WDR7: variants seen among roughly 807,000 people sequenced by gnomAD.
WDR7 encodes WD repeat-containing protein 7.
In WDR7, 46 loss-of-function variants were observed where a neutral mutation model predicts 169.4. That is an observed-to-expected ratio of 0.27 (90% confidence interval 0.21 to 0.35). The LOEUF (loss-of-function observed/expected upper bound fraction) is 0.35, where lower values mean the gene tolerates loss of function less well. WDR7 is among the 10% of genes least tolerant of loss of function. The probability of loss-of-function intolerance (pLI) is 1.00; values close to 1 mark genes in which losing one functional copy is unlikely to be tolerated. For missense variants in WDR7, 1,534 were observed against 1,859.3 expected (o/e 0.83, Z 3.22); for synonymous variants, 612 against 666.8 (o/e 0.92, Z 1.27).
chr18:56,900,135 A>C (rs2046383870), intron 21 of WDR7, among the ~76,000 whole-genome samples: 1 of 149,288 alleles, frequency 6.7e-6, no homozygotes, highest in Non-Finnish European at 1.5e-5. Context: ...ATTTTGATTT[A>C]GGCATTTTAG....
intron 19 of WDR7, among the ~76,000 whole-genome samples, chr18:56,811,043 A>T (rs2044860115): frequency 6.6e-6 from 1 of 152,202 alleles, no homozygotes. Flanking sequence ...ATCATAAGGC[A>T]TGTAATGTTT....
chr18:56,781,624 A>G lies in WDR7; in HGVS notation c.3158A>G (p.Tyr1053Cys), dbSNP rs368082844. ...RKEAIDAWAP[Y>C]LPQYIDHVIS... Reference sequence around the variant, plus strand: ...GAAGCCATTGATGCCTGGGCTCCTTACTTACCTCAGTACATAGACCACGTC... The same window carrying G: ...GAAGCCATTGATGCCTGGGCTCCTTGCTTACCTCAGTACATAGACCACGTC... Residue 1053 changes from tyrosine to cysteine, a missense_variant, in exon 19 of 28, where the codon TAC becomes TGC. Transcript: ENST00000254442. 1.2e-5 allele frequency: 19 copies of G among 1,612,394 alleles called. No homozygotes were observed. The highest frequency in any genetic ancestry group is 1.6e-5 in the Non-Finnish European group (19 of 1,179,242).
At chr18:56,690,645 T>A (rs1338449085) in intron 7 of WDR7, among the ~76,000 whole-genome samples, 3 of 151,822 alleles carry the variant, frequency 2.0e-5, no homozygotes. Context: ...TGAGACCCTG[T>A]CTCTACAAGA....
chr18:56,885,691 G>A (rs373267833), intron 21 of WDR7, among the ~76,000 whole-genome samples: 9 of 151,938 alleles, frequency 5.9e-5, no homozygotes, highest in African/African-American at 2.2e-4. Context: ...GCCAGGCATG[G>A]TGACGGGCAC....
intron 15 of WDR7, 96 bp from the exon 16 acceptor site, chr18:56,758,769 G>A: frequency 1.2e-6 from 1 of 864,464 alleles, no homozygotes; most frequent in Non-Finnish European, 1.7e-6. Context: ...TGTTTCTTTT[G>A]TGATTCGTTT....
intron 1 of WDR7, among the ~76,000 whole-genome samples, chr18:56,652,564 A>C (rs1038898399): frequency 2.6e-5 from 4 of 152,224 alleles, no homozygotes; most frequent in African/African-American, 9.6e-5. Flanking sequence ...ATGTGTTGAA[A>C]TGCCCTCATT....
chr18:56,710,205 G>C (rs964911058), intron 12 of WDR7, among the ~76,000 whole-genome samples: 3 of 151,658 alleles, frequency 2.0e-5, no homozygotes, highest in African/African-American at 7.3e-5. Context: ...GGGTTTCACC[G>C]TGTTAGCCAG....
intron 19 of WDR7, among the ~76,000 whole-genome samples, chr18:56,802,983 C>T (rs1030494887): frequency 1.3e-5 from 2 of 151,636 alleles, no homozygotes; most frequent in African/African-American, 4.8e-5. Context: ...CTATAAGTAA[C>T]ATTCTTGCTT....
chr18:56,804,745 C>A (rs1280507644), intron 19 of WDR7, among the ~76,000 whole-genome samples: 1 of 152,182 alleles, frequency 6.6e-6, no homozygotes, highest in Non-Finnish European at 1.5e-5. Flanking sequence ...CAGATCATCA[C>A]ATAGGCAATG....
chr18:56,743,390 G>A (rs2043648904), intron 14 of WDR7, among the ~76,000 whole-genome samples: 1 of 152,142 alleles, frequency 6.6e-6, no homozygotes, highest in Admixed American at 6.5e-5. Context: ...CTAACCTTAA[G>A]GGAGGAGGAA....
intron 19 of WDR7, among the ~76,000 whole-genome samples, chr18:56,789,115 T>C (rs997372227): frequency 5.3e-5 from 8 of 152,242 alleles, no homozygotes; most frequent in Non-Finnish European, 1.2e-4. Flanking sequence ...TACTTATCTA[T>C]ATTTGGCCAC....
At chr18:57,001,995 C>T (rs951380482) in intron 26 of WDR7, among the ~76,000 whole-genome samples, 1 of 152,114 alleles carries the variant, frequency 6.6e-6, no homozygotes, top group African/African-American at 2.4e-5. Flanking sequence ...AGCAAAAATA[C>T]CCATGATTAG....
intron 20 of WDR7, among the ~76,000 whole-genome samples, chr18:56,864,028 A>G (rs995982359): frequency 2.6e-5 from 4 of 151,818 alleles, no homozygotes; most frequent in Admixed American, 1.3e-4. Context: ...TGTTTTATAA[A>G]TTGAAATATA....
chr18:56,858,019 C>T (rs1273923950), intron 20 of WDR7, among the ~76,000 whole-genome samples: 1 of 152,126 alleles, frequency 6.6e-6, no homozygotes, highest in Non-Finnish European at 1.5e-5. Flanking sequence ...TTACCTATCA[C>T]CTGACTGGGA....
At chr18:56,894,162 G>A (rs954940376) in intron 21 of WDR7, among the ~76,000 whole-genome samples, 4 of 151,892 alleles carry the variant, frequency 2.6e-5, no homozygotes, top group African/African-American at 9.7e-5. Flanking sequence ...TTAGCATCAG[G>A]GTTGCCTACC....
chr18:56,731,086 A>G (rs1222872373), intron 13 of WDR7, among the ~76,000 whole-genome samples: 1 of 152,194 alleles, frequency 6.6e-6, no homozygotes, highest in Non-Finnish European at 1.5e-5. Context: ...GGAGTAGTCA[A>G]GAAAACCATC....
At position 57,027,194 on chromosome 18, in the gene WDR7, G is replaced by A. The variant is rs1173067468; in HGVS notation, c.4460G>A (p.Arg1487His). 2.4e-5 allele frequency: 39 copies of A among 1,613,222 alleles called. No individual in the cohort carries two copies. The highest frequency in any genetic ancestry group is 4.5e-5 in the East Asian group (2 of 44,832). The change falls in exon 28 of 28, where the codon CGC becomes CAC. Residue 1487 changes from arginine (R) to histidine (H), a missense_variant. Transcript: ENST00000254442. ...ILMAHDGKEH[R>H]FMV ...ATGGCCCATGACGGGAAGGAGCACC[G>A]CTTCATGGTCTAATGCTGCTGCCTG...
chr18:56,782,484 A>G (rs1215213511), intron 19 of WDR7, among the ~76,000 whole-genome samples: 1 of 152,050 alleles, frequency 6.6e-6, no homozygotes, highest in Non-Finnish European at 1.5e-5. Flanking sequence ...TTTACCCTAA[A>G]TTATATTGAA....
At chr18:56,991,085 T>C (rs2047806943) in intron 26 of WDR7, among the ~76,000 whole-genome samples, 1 of 151,662 alleles carries the variant, frequency 6.6e-6, no homozygotes, top group Non-Finnish European at 1.5e-5. Flanking sequence ...TTCTCAGCTT[T>C]GGACACAACT....
Sources: allele counts gnomAD v4.1 joint callset (sites outside exome capture counted in the v4.1 genomes callset), GRCh38; gene constraint gnomAD v4.1.1; transcripts MANE v1.5; gene names NCBI Gene and HGNC (gene_info 2026-07-23, HGNC 2026-07-21).